Variants in MACF1 observed in about 807,000 individuals in gnomAD.
MACF1 encodes microtubule actin crosslinking factor 1.
A neutral mutation model predicts 854.8 loss-of-function variants in MACF1; 193 were observed. The observed-to-expected ratio is 0.23, with a 90% CI of 0.20 to 0.25. The LOEUF is 0.25. Ranked by LOEUF, MACF1 falls within the 10% of genes least tolerant of loss-of-function variation. The pLI is 1.00. For missense variants in MACF1, 7,722 were observed against 8,929.1 expected (o/e 0.86, Z 5.45); for synonymous variants, 3,185 against 3,226.7 (o/e 0.99, Z 0.44).
In MACF1 at chr1:39,249,117, A is replaced by G. The variant is rs1645013334; in HGVS notation, c.172-897A>G. On this transcript the variant is annotated intron_variant, in intron 2 of 100. Transcript: ENST00000564288. The stretch of plus-strand genomic sequence containing the variant: ...GAAATCCAATTGCCACTTAACTTAT[A>G]GCTAAGTGACCATAACATCTCAGAA... Among the ~76,000 whole-genome samples, 4 of 152,224 alleles carry G rather than the reference A, an allele frequency of 2.6e-5. No homozygotes were observed. In the South Asian group the frequency reaches 6.2e-4, roughly 24 times the overall value.
At chr1:39,468,772 G>T in intron 96 of MACF1, 40 bp downstream of exon 96, 1 of 1,526,076 alleles carries the variant, frequency 6.6e-7, no homozygotes, top group Non-Finnish European at 9.1e-7. Flanking sequence ...TGTTAGGTAT[G>T]CCCCCAGCAG....
At chr1:39,280,507 T>C (rs1645522760) in intron 6 of MACF1, among the ~76,000 whole-genome samples, 1 of 152,172 alleles carries the variant, frequency 6.6e-6, no homozygotes, top group Non-Finnish European at 1.5e-5. Flanking sequence ...TCAGGAAACG[T>C]GCAGTCTAGG....
At chr1:39,450,209 G>A (rs1644312591) in intron 84 of MACF1, among the ~76,000 whole-genome samples, 1 of 151,888 alleles carries the variant, frequency 6.6e-6, no homozygotes, top group African/African-American at 2.4e-5. Flanking sequence ...TGTCCAGGCT[G>A]TTCTGTAACT....
At chr1:39,258,138 G>A (rs1645117400) in intron 6 of MACF1, 110 bp downstream of exon 6, 1 of 866,978 alleles carries the variant, frequency 1.2e-6, no homozygotes, top group Non-Finnish European at 1.9e-6. Context: ...ATTTGTCAGT[G>A]AACAAAGGTG....
At chr1:39,127,060 T>A (rs1468204712) in intron 2 of MACF1, among the ~76,000 whole-genome samples, 1 of 151,506 alleles carries the variant, frequency 6.6e-6, no homozygotes, top group Non-Finnish European at 1.5e-5. Context: ...CCGACTCTAC[T>A]AAAAATAACA....
chr1:39,293,314 T>C, intron 17 of MACF1, 144 bp from the exon 18 acceptor site: 1 of 778,896 alleles, frequency 1.3e-6, no homozygotes, highest in Non-Finnish European at 2.1e-6. Flanking sequence ...ATCAAACTTG[T>C]ACAAAACTTG....
intron 2 of MACF1, among the ~76,000 whole-genome samples, chr1:39,141,473 T>G (rs1394111469): frequency 6.6e-6 from 1 of 152,204 alleles, no homozygotes; most frequent in East Asian, 1.9e-4. Flanking sequence ...AGCTCTGCCA[T>G]TTATTAACTG....
chr1:39,253,773 C>T (rs1470639473), intron 4 of MACF1, among the ~76,000 whole-genome samples: 2 of 152,252 alleles, frequency 1.3e-5, no homozygotes, highest in East Asian at 3.9e-4. Flanking sequence ...GCCTCGGCCT[C>T]CCAAAGTGTT....
intron 2 of MACF1, among the ~76,000 whole-genome samples, chr1:39,247,953 C>T (rs1043120269): frequency 6.6e-6 from 1 of 152,134 alleles, no homozygotes; most frequent in Non-Finnish European, 1.5e-5. Context: ...ACTCGGGAGG[C>T]AGAGGTTGCC....
chr1:39,311,470 T>G lies in MACF1; in HGVS notation c.3270+470T>G, dbSNP rs1001957433. Among the ~76,000 whole-genome samples, 3 of 152,204 alleles carry G rather than the reference T, an allele frequency of 2.0e-5. 1 individual carries two copies. Among genetic ancestry groups the G allele is most frequent in the Non-Finnish European group, 1.5e-5 (1 of 68,034 alleles). On this transcript the variant is annotated intron_variant, in intron 26 of 100. Coordinates refer to ENST00000564288, the MANE Select transcript of MACF1 (RefSeq NM_001394062.1). ...ATCCCTAGTTTACTTTCTTGTAAAA[T>G]GGAGATGGCAATGCACGATATAGGG...
chr1:39,297,129 T>C (rs926544236), intron 20 of MACF1, among the ~76,000 whole-genome samples: 1 of 152,126 alleles, frequency 6.6e-6, no homozygotes, highest in Non-Finnish European at 1.5e-5. Flanking sequence ...GGTTTCACCA[T>C]GTTAGCCAAG....
intron 58 of MACF1, chr1:39,414,102 G>A: frequency 6.2e-7 from 1 of 1,605,570 alleles, no homozygotes; most frequent in Non-Finnish European, 8.5e-7. Context: ...CCCCCGAGGA[G>A]CCTGCCTCCC....
At chr1:39,423,762 G>T (rs556897356) in intron 60 of MACF1, among the ~76,000 whole-genome samples, 1 of 151,294 alleles carries the variant, frequency 6.6e-6, no homozygotes. Context: ...CATTTTTTAC[G>T]GCACTTTTCT....
intron 15 of MACF1, among the ~76,000 whole-genome samples, chr1:39,289,751 A>G (rs1395252084): frequency 1.0e-5 from 1 of 98,698 alleles, no homozygotes; most frequent in East Asian, 3.4e-4. Flanking sequence ...TCTGTCTCCC[A>G]GGCTGGAGTG....
Position 39,368,249 on chromosome 1 carries a change from G to A in MACF1, c.12873G>A (p.Gln4291=). 2 of 1,614,154 alleles carry A rather than the reference G, an allele frequency of 1.2e-6. No individual in the cohort carries two copies. The highest frequency in any genetic ancestry group is 1.7e-6 in the Non-Finnish European group (2 of 1,180,010). The change falls in exon 50 of 101, where the codon CAG becomes CAA. Residue 4291 remains glutamine, a synonymous_variant. Coordinates refer to ENST00000564288, the MANE Select transcript of MACF1 (RefSeq NM_001394062.1). ...SSCGFALDLC[Q]HQDRVQNLRK... is the part of the protein sequence containing the mutation. ...GTGGCTTTGCGCTGGACTTGTGCCA[G>A]CATCAGGACAGGGTACAGAATCTAA...
intron 2 of MACF1, among the ~76,000 whole-genome samples, chr1:39,121,773 T>C (rs758483621): frequency 2.6e-5 from 4 of 152,176 alleles, no homozygotes; most frequent in Non-Finnish European, 4.4e-5. Context: ...TCATAAATGA[T>C]ATCCTATGAT....
At chr1:39,480,238 T>C (rs1001061172) in intron 98 of MACF1, 12 of 497,680 alleles carry the variant, frequency 2.4e-5, no homozygotes, top group African/African-American at 3.8e-5. Flanking sequence ...TATTAAAATA[T>C]GCACTCAGCC....
At chr1:39,377,403 A>G (rs773996336) in intron 52 of MACF1, among the ~76,000 whole-genome samples, 31 of 152,180 alleles carry the variant, frequency 2.0e-4, no homozygotes, top group Non-Finnish European at 3.4e-4. Flanking sequence ...TATCATTATG[A>G]ATATTTTTCA....
rs1036967332 is a variant in MACF1 at position 39,105,165 on chromosome 1, A to G, written c.220+20727A>G. On this transcript the variant is annotated intron_variant, in intron 2 of 93. Transcript: ENST00000361689. The surrounding 1 kb of genome is among the most constrained non-coding windows in gnomAD (Gnocchi z 5.9). ...TCTCGCGCCCCTCGGCTCGGGCCCC[A>G]GTCCGGGCCGGGCGGGGGTCGGCAG... is the stretch of plus-strand genomic sequence containing the variant. Among the ~76,000 whole-genome samples the G allele has an allele frequency of 2.0e-5, 3 of 151,522 alleles. No individual in the cohort carries two copies. Among genetic ancestry groups the G allele is most frequent in the Non-Finnish European group, 4.4e-5 (3 of 67,810 alleles).
Sources: gnomAD v4.1 joint callset for allele counts (sites outside exome capture counted in the v4.1 genomes callset) on GRCh38, gnomAD v4.1.1 for gene constraint, Gnocchi (gnomAD v3.1) non-coding constraint, MANE v1.5 for transcripts, NCBI Gene and HGNC (gene_info 2026-07-23, HGNC 2026-07-21) for gene names.